Variants in ZNF578 observed in about 807,000 individuals in gnomAD.
ZNF578 encodes the protein zinc finger protein 578, also known as Putative chemokine-related protein B42.
In ZNF578, 8 loss-of-function variants were observed where a neutral mutation model predicts 8.3. The ratio of observed to expected loss-of-function variants is 0.96; its 90% CI spans 0.56 to 1.74. ZNF578 has a LOEUF of 1.74. ZNF578 is among the 40% of genes most tolerant of loss of function. The pLI is 0.00. For missense variants in ZNF578, 726 were observed against 707.5 expected (o/e 1.03, Z -0.30); for synonymous variants, 206 against 232.2 (o/e 0.89, Z 1.03).
intron 2 of ZNF578, among the ~76,000 whole-genome samples, chr19:52,489,781 G>C (rs772454064): frequency 6.6e-6 from 1 of 150,862 alleles, no homozygotes; most frequent in Non-Finnish European, 1.5e-5. Context: ...TCAGCCTCCC[G>C]AGTAGCTGGG....
intron 2 of ZNF578, among the ~76,000 whole-genome samples, chr19:52,463,362 A>G (rs1280663082): frequency 1.3e-5 from 2 of 152,218 alleles, no homozygotes; most frequent in African/African-American, 4.8e-5. Flanking sequence ...AAATGTAGGA[A>G]CGTGGGTGAT....
rs1476109643 is a variant in ZNF578 at position 52,512,814 on chromosome 19, A to G, written c.*660A>G. 2.0e-5 allele frequency among the ~76,000 whole-genome samples: 3 copies of G among 152,210 alleles called. No homozygotes were observed. The highest frequency in any genetic ancestry group is 4.8e-5 in the African/African-American group (2 of 41,448). Reference sequence around the variant, plus strand: ...CAAGCATTAATTGACATTGGAGTCAATTCAGCATTGACTTGAGTTTGTGTT... The same window carrying G: ...CAAGCATTAATTGACATTGGAGTCAGTTCAGCATTGACTTGAGTTTGTGTT... On this transcript the variant is annotated 3_prime_UTR_variant, in exon 6 of 6. Coordinates refer to ENST00000421239, the MANE Select transcript of ZNF578 (RefSeq NM_001099694.2).
chr19:52,493,624 G>A (rs989652265), intron 3 of ZNF578, among the ~76,000 whole-genome samples: 1 of 152,156 alleles, frequency 6.6e-6, no homozygotes. Context: ...GAGAGCAGAG[G>A]AGACGCAGAG....
In ZNF578 at chr19:52,511,558, C is replaced by T. The variant is rs1406328135; in HGVS notation, c.1177C>T (p.His393Tyr). ...AACCCTTGTAATTCATAAGGCAATTCATACTGGAGAGAAACCTTACAAGTG... is the reference window on the plus strand; with the variant it reads ...AACCCTTGTAATTCATAAGGCAATTTATACTGGAGAGAAACCTTACAAGTG... ...NSTLVIHKAIHTGEKPYKCNE... is the reference protein window; with the variant it reads ...NSTLVIHKAIYTGEKPYKCNE... The change falls in exon 6 of 6, where the codon CAT (histidine) becomes TAT (tyrosine). Residue 393 changes from histidine (H) to tyrosine (Y), a missense_variant. Coordinates refer to ENST00000421239, the MANE Select transcript of ZNF578 (RefSeq NM_001099694.2). The T allele has an allele frequency of 6.2e-7, 1 of 1,612,828 alleles. No homozygotes were observed. Among genetic ancestry groups the T allele is most frequent in the Non-Finnish European group, 8.5e-7 (1 of 1,178,948 alleles).
Position 52,510,905 on chromosome 19 carries a change from A to G in ZNF578, c.524A>G (p.Lys175Arg). 1.9e-6 allele frequency: 3 copies of G among 1,614,202 alleles called. No homozygotes were observed. Among genetic ancestry groups the G allele is most frequent in the Non-Finnish European group, 2.5e-6 (3 of 1,180,034 alleles). ...PELHIFQPEE[K>R]IANQVEKSVN... ...CTCCACATATTTCAGCCCGAAGAGAAAATTGCTAATCAAGTGGAGAAGTCT... is the reference window on the plus strand; with the variant it reads ...CTCCACATATTTCAGCCCGAAGAGAGAATTGCTAATCAAGTGGAGAAGTCT... Residue 175 changes from lysine (K) to arginine (R), a missense_variant, in exon 6 of 6, where the codon AAA (lysine) becomes AGA (arginine). Physicochemically the swap from Lys to Arg is conservative, Grantham distance 26. Coordinates refer to ENST00000421239, the MANE Select transcript of ZNF578 (RefSeq NM_001099694.2).
chr19:52,467,618 TAAAAA>T (rs1281021783), intron 2 of ZNF578, among the ~76,000 whole-genome samples: 23 of 149,736 alleles, frequency 1.5e-4, no homozygotes, highest in African/African-American at 5.4e-4. Context: ...CCCCAGCTCT[TAAAAA>T]AGAAAAAAAA....
chr19:52,456,774 AG>A (rs1473417015), intron 1 of ZNF578, 93 bp from the exon 2 acceptor site: 1 of 154,678 alleles, frequency 6.5e-6, no homozygotes, highest in Non-Finnish European at 1.5e-5. Flanking sequence ...TGGCACAGGG[AG>A]GGGGTGTGTT....
intron 2 of ZNF578, among the ~76,000 whole-genome samples, chr19:52,482,842 C>A (rs2059331603): frequency 6.7e-6 from 1 of 148,504 alleles, no homozygotes; most frequent in African/African-American, 2.5e-5. Context: ...GAGGCTGAGG[C>A]AGGAGAATTA....
rs546063528 is a variant in ZNF578 at position 52,493,246 on chromosome 19, G to C, written c.-20+1821G>C. Among the ~76,000 whole-genome samples the C allele has an allele frequency of 1.2e-3, 183 of 152,236 alleles. 1 individual carries two copies. The highest frequency in any genetic ancestry group is 4.2e-3 in the African/African-American group (175 of 41,550). Reference sequence around the variant, plus strand: ...CCGGGCCCAGTCCTGGGGAGGCTGCGTCTTCTGCCTGGTCCTGGAATCCTG... The same window carrying C: ...CCGGGCCCAGTCCTGGGGAGGCTGCCTCTTCTGCCTGGTCCTGGAATCCTG... On this transcript the variant is annotated intron_variant, in intron 3 of 5. Transcript: ENST00000421239.
Position 52,511,596 on chromosome 19 carries a change from C to G in ZNF578, c.1215C>G (p.Gly405=). 10 of 1,613,010 alleles carry G rather than the reference C, an allele frequency of 6.2e-6. No homozygotes were observed. The highest frequency in any genetic ancestry group is 7.6e-6 in the Non-Finnish European group (9 of 1,179,116). Residue 405 remains glycine, a synonymous_variant, in exon 6 of 6, where the codon GGC becomes GGG. Coordinates refer to ENST00000421239, the MANE Select transcript of ZNF578 (RefSeq NM_001099694.2). ...GEKPYKCNEC[G]KAFNQQSHLS... ...AACCTTACAAGTGTAATGAATGTGG[C>G]AAGGCTTTTAATCAACAATCACACC...
At chr19:52,483,947 AG>A in intron 2 of ZNF578, among the ~76,000 whole-genome samples, 1 of 30,752 alleles carries the variant, frequency 3.3e-5, no homozygotes, top group South Asian at 9.0e-4. Flanking sequence ...GTATAGAGAA[AG>A]AAAAGCGGGC....
chr19:52,458,447 A>C (rs1235494135), intron 2 of ZNF578: 1 of 113,252 alleles, frequency 8.8e-6, no homozygotes, highest in Non-Finnish European at 1.7e-5. Flanking sequence ...TTAAAAAAAA[A>C]ACAACAACTT....
At chr19:52,492,427 G>A (rs2122886562) in intron 3 of ZNF578, among the ~76,000 whole-genome samples, 1 of 152,300 alleles carries the variant, frequency 6.6e-6, no homozygotes, top group Admixed American at 6.5e-5. Context: ...GGAAGTCTCT[G>A]AAGCTGAGCA....
chr19:52,479,403 C>A (rs995086690), intron 2 of ZNF578, among the ~76,000 whole-genome samples: 1 of 151,770 alleles, frequency 6.6e-6, no homozygotes, highest in Non-Finnish European at 1.5e-5. Flanking sequence ...GGTGTGGTGG[C>A]GGGCGCCCGA....
At chr19:52,487,643 T>C (rs2059350120) in intron 2 of ZNF578, among the ~76,000 whole-genome samples, 1 of 152,246 alleles carries the variant, frequency 6.6e-6, no homozygotes, top group South Asian at 2.1e-4. Context: ...AATTAAATAA[T>C]ATTTTGAGAC....
intron 1 of ZNF578, chr19:52,454,915 G>T (rs1169150873): frequency 6.6e-6 from 1 of 151,032 alleles, no homozygotes; most frequent in Non-Finnish European, 1.5e-5. Flanking sequence ...TGTTGAGCAC[G>T]AGAGCAATGA....
intron 2 of ZNF578, among the ~76,000 whole-genome samples, chr19:52,476,730 C>G (rs1406638359): frequency 6.6e-6 from 1 of 152,238 alleles, no homozygotes; most frequent in East Asian, 1.9e-4. Context: ...TCTCAGCACT[C>G]TGTCAAACAC....
At chr19:52,503,688 G>A (rs1273593118) in intron 4 of ZNF578, among the ~76,000 whole-genome samples, 1 of 151,866 alleles carries the variant, frequency 6.6e-6, no homozygotes, top group Non-Finnish European at 1.5e-5. Context: ...AAAGCCATTT[G>A]ACTTTGTCCT....
chr19:52,455,309 C>T (rs569907170), intron 1 of ZNF578: 41 of 151,140 alleles, frequency 2.7e-4, no homozygotes, highest in African/African-American at 9.3e-4. Context: ...AAACGATTCT[C>T]CTGCCTCAAC....
Sources: gnomAD v4.1 joint callset for allele counts (sites outside exome capture counted in the v4.1 genomes callset) on GRCh38, gnomAD v4.1.1 for gene constraint, MANE v1.5 for transcripts, NCBI Gene and HGNC (gene_info 2026-07-23, HGNC 2026-07-21) for gene names.